The following SRBD1 variants were observed in gnomAD, a reference collection of about 807,000 sequenced individuals.
SRBD1 encodes S1 RNA binding domain 1, also known as S1 RNA-binding domain-containing protein 1.
Under a neutral mutation model 115.3 loss-of-function variants are expected in SRBD1, and 88 were observed. The observed-to-expected ratio is 0.76, with a 90% CI of 0.64 to 0.91. SRBD1 has a LOEUF of 0.91. Ranked by LOEUF, SRBD1 falls within the 40% of genes least tolerant of loss-of-function variation. The pLI is 0.00. For missense variants in SRBD1, 1,385 were observed against 1,177.4 expected, an observed-to-expected ratio of 1.18 and a Z score of -2.58; for synonymous variants, 509 against 407.7, an observed-to-expected ratio of 1.25 and a Z score of -2.99.
At chr2:45,577,214 G>T (rs761791978) in intron 7 of SRBD1, among the ~76,000 whole-genome samples, 8 of 152,190 alleles carry the variant, frequency 5.3e-5, no homozygotes, top group Non-Finnish European at 8.8e-5. Context: ...CCCCTTCTCA[G>T]TCCAACCAGG....
chr2:45,556,618 C>T (rs1166330783), intron 10 of SRBD1, among the ~76,000 whole-genome samples: 1 of 151,820 alleles, frequency 6.6e-6, no homozygotes, highest in East Asian at 1.9e-4. Context: ...GTGCGCCATC[C>T]CGCCCAGCTA....
chr2:45,470,547 G>A (rs1386827982), intron 16 of SRBD1, among the ~76,000 whole-genome samples: 1 of 152,128 alleles, frequency 6.6e-6, no homozygotes, highest in Non-Finnish European at 1.5e-5. Flanking sequence ...TTACCAAATG[G>A]AGGTGTTAAT....
intron 14 of SRBD1, among the ~76,000 whole-genome samples, chr2:45,491,609 T>C (rs928752927): frequency 4.6e-5 from 7 of 152,196 alleles, no homozygotes; most frequent in Non-Finnish European, 7.3e-5. Flanking sequence ...TGAATTTACA[T>C]TTTACCAGAT....
At chr2:45,437,641 T>C (rs1367021563) in intron 16 of SRBD1, among the ~76,000 whole-genome samples, 1 of 152,160 alleles carries the variant, frequency 6.6e-6, no homozygotes, top group South Asian at 2.1e-4. Context: ...GATGGGAAGA[T>C]CACCTGAGCT....
chr2:45,572,924 G>A (rs1196873155), intron 9 of SRBD1, among the ~76,000 whole-genome samples: 1 of 152,054 alleles, frequency 6.6e-6, no homozygotes, highest in Non-Finnish European at 1.5e-5. Flanking sequence ...AGGATACTGG[G>A]AAGCAGAGTC....
chr2:45,515,863 T>C (rs17033778), intron 14 of SRBD1, among the ~76,000 whole-genome samples: 2,075 of 152,298 alleles, frequency 0.014, 48 homozygotes, highest in African/African-American at 0.048. Flanking sequence ...CTATCATCAG[T>C]AGGCAGGTCA....
chr2:45,604,568 GTCT>G (rs1200670643), intron 2 of SRBD1, among the ~76,000 whole-genome samples: 1 of 152,056 alleles, frequency 6.6e-6, no homozygotes, highest in Non-Finnish European at 1.5e-5. Context: ...GGCCACACTG[GTCT>G]TCTTGCTGTT....
Position 45,409,701 on chromosome 2 carries a change from A to G in SRBD1, c.2513+3413T>C, listed in dbSNP as rs2103850044. On this transcript the variant is annotated intron_variant, in intron 19 of 20. Coordinates refer to ENST00000263736, the MANE Select transcript of SRBD1 (RefSeq NM_018079.5). Reference sequence around the variant, plus strand: ...TCTGCAGCATATAAGGTTATTATACAAAACTCGTATTTTTATATATTAGCA... The same window carrying G: ...TCTGCAGCATATAAGGTTATTATACGAAACTCGTATTTTTATATATTAGCA... Among the ~76,000 whole-genome samples, 2 of 152,296 alleles carry G rather than the reference A, an allele frequency of 1.3e-5. 1 individual carries two copies. The highest frequency in any genetic ancestry group is 1.3e-4 in the Admixed American group (2 of 15,296).
At chr2:45,595,631 G>C (rs6722628) in intron 4 of SRBD1, among the ~76,000 whole-genome samples, 5,822 of 152,188 alleles carry the variant, frequency 0.038, 168 homozygotes, top group East Asian at 0.12. Context: ...TTACAAGCAG[G>C]AATACAGTTT....
chr2:45,483,034 G>C (rs937988128), intron 15 of SRBD1, among the ~76,000 whole-genome samples: 16 of 152,158 alleles, frequency 1.1e-4, no homozygotes, highest in South Asian at 6.2e-4. Context: ...AGGGTCAACT[G>C]TATTTATTAA....
chr2:45,524,810 G>A (rs1347327780), intron 14 of SRBD1, among the ~76,000 whole-genome samples: 1 of 151,928 alleles, frequency 6.6e-6, no homozygotes, highest in Non-Finnish European at 1.5e-5. Context: ...AATTCAAGTG[G>A]AATTGAAGGG....
intron 18 of SRBD1, among the ~76,000 whole-genome samples, chr2:45,415,547 C>T (rs1469072375): frequency 7.0e-6 from 1 of 143,598 alleles, no homozygotes; most frequent in Admixed American, 7.0e-5. Flanking sequence ...TATACACATG[C>T]ATATAGTCTG....
chr2:45,510,816 A>C (rs1327960316), intron 14 of SRBD1, among the ~76,000 whole-genome samples: 3 of 152,238 alleles, frequency 2.0e-5, no homozygotes, highest in Admixed American at 6.5e-5. Flanking sequence ...ATGTAAAATT[A>C]GCAGGTTCCA....
Position 45,532,619 on chromosome 2 carries a change from C to T in SRBD1, c.1874+14113G>A, listed in dbSNP as rs1416784093. ...AAACCTAATTATCATAATGTGAACC[C>T]AAATGTTAGGGTTCCTTCAAAATGC... On this transcript the variant is annotated intron_variant, in intron 14 of 20. Transcript: ENST00000263736. 1.3e-5 allele frequency among the ~76,000 whole-genome samples: 2 copies of T among 151,582 alleles called. 1 individual carries two copies. The highest frequency in any genetic ancestry group is 2.9e-5 in the Non-Finnish European group (2 of 67,824).
chr2:45,488,417 G>GAAAAAA, intron 14 of SRBD1, 86 bp from the exon 15 acceptor site: 1 of 835,054 alleles, frequency 1.2e-6, no homozygotes, highest in Non-Finnish European at 1.8e-6. Context: ...GGCATTACCA[G>GAAAAAA]AAAAAAAAAA....
At position 45,488,270 on chromosome 2, in the gene SRBD1, G is replaced by A. The variant is rs201754977; in HGVS notation, c.1936C>T (p.Pro646Ser). Residue 646 changes from proline (P) to serine (S), a missense_variant, in exon 15 of 21, where the codon CCA becomes TCA. Coordinates refer to ENST00000263736, the MANE Select transcript of SRBD1 (RefSeq NM_018079.5). ...SVSPEANKEMPGLDPNLRSAV... is the reference protein window; with the variant it reads ...SVSPEANKEMSGLDPNLRSAV... ...CTTCTCAAATTAGGGTCCAGCCCTG[G>A]CATCTCTTTGTTAGCTTCAGGGCTG... 57 of 1,613,780 alleles carry A rather than the reference G, an allele frequency of 3.5e-5. 1 individual carries two copies. The South Asian group carries it at 3.7e-4, about 11-fold the overall frequency.
intron 15 of SRBD1, among the ~76,000 whole-genome samples, chr2:45,479,921 AG>A (rs1486002893): frequency 6.6e-6 from 1 of 152,170 alleles, no homozygotes; most frequent in Non-Finnish European, 1.5e-5. Context: ...GCTGAAGTCA[AG>A]GCTCATTTGC....
rs1358487546 is a variant in SRBD1, at chr2:45,413,131, T to C, written c.2496A>G (p.Ser832=). The part of the protein sequence containing the change: ...PLDQTCIHPE[S]YDIAMRFLSS... The stretch of plus-strand genomic sequence containing the variant: ...AGACTTACCTCATTGCTATGTCATA[T>C]GATTCTGGATGAATACAAGTTTGGT... The change falls in exon 19 of 21, where the codon TCA becomes TCG. Residue 832 remains serine, a synonymous_variant. Transcript: ENST00000263736. 3.1e-6 allele frequency: 5 copies of C among 1,613,938 alleles called. No homozygotes were observed. The African/African-American group carries it at 4.0e-5, about 13-fold the overall frequency.
At chr2:45,504,719 G>A in intron 14 of SRBD1, among the ~76,000 whole-genome samples, 1 of 152,036 alleles carries the variant, frequency 6.6e-6, no homozygotes, top group East Asian at 1.9e-4. Context: ...CAGTCCTCTA[G>A]ACTTAGGACA....
Sources: allele counts gnomAD v4.1 joint callset (sites outside exome capture counted in the v4.1 genomes callset), GRCh38; gene constraint gnomAD v4.1.1; transcripts MANE v1.5; gene names NCBI Gene and HGNC (gene_info 2026-07-23, HGNC 2026-07-21).